The following MDGA2 variants were observed in gnomAD, a reference collection of about 807,000 sequenced individuals.
MDGA2 encodes the protein MAM domain-containing glycosylphosphatidylinositol anchor protein 2.
In MDGA2, 40 loss-of-function variants were observed where a neutral mutation model predicts 117.8. The observed-to-expected ratio is 0.34, with a 90% confidence interval of 0.26 to 0.44. MDGA2 has a LOEUF of 0.44. MDGA2 is among the 20% of genes least tolerant of loss of function. The pLI, the probability that MDGA2 is intolerant of heterozygous loss-of-function variation, is 1.00. For missense variants in MDGA2, 1,123 were observed against 1,250.6 expected (o/e 0.90, Z 1.54); for synonymous variants, 452 against 439.0 (o/e 1.03, Z -0.37).
At chr14:46,958,771 G>T (rs1885664580) in intron 8 of MDGA2, among the ~76,000 whole-genome samples, 1 of 152,142 alleles carries the variant, frequency 6.6e-6, no homozygotes, top group African/African-American at 2.4e-5. Context: ...TTTTCTCTTT[G>T]CTTTTGATTT....
At position 46,955,904 on chromosome 14, in the gene MDGA2, T is replaced by G. The variant is rs557593808; in HGVS notation, c.2089+1470A>C. On this transcript the variant is annotated intron_variant, in intron 9 of 16. Coordinates refer to ENST00000399232, the MANE Select transcript of MDGA2 (RefSeq NM_001113498.3). ...TGCATTAAAAATATATGGATCTTTG[T>G]ATACTTCTATTCCCTGACTCTCTTA... is the stretch of plus-strand genomic sequence containing the variant. Among the ~76,000 whole-genome samples, 22 of 152,250 alleles carry G rather than the reference T, an allele frequency of 1.4e-4. No homozygotes were observed. In the East Asian group the frequency reaches 2.7e-3, roughly 19 times the overall value.
chr14:47,082,324 C>A, intron 6 of MDGA2, among the ~76,000 whole-genome samples: 1 of 59,146 alleles, frequency 1.7e-5, no homozygotes. Flanking sequence ...GATCAAATTC[C>A]AGGGAAGGAA....
At chr14:47,168,284 CA>C (rs563280796) in intron 3 of MDGA2, among the ~76,000 whole-genome samples, 137 of 60,192 alleles carry the variant, frequency 2.3e-3, no homozygotes, top group East Asian at 5.5e-3. Flanking sequence ...AACTCCATCT[CA>C]AAAAAAAAAA....
At chr14:47,010,878 C>T (rs1373244880) in intron 8 of MDGA2, among the ~76,000 whole-genome samples, 2 of 151,840 alleles carry the variant, frequency 1.3e-5, no homozygotes, top group Non-Finnish European at 2.9e-5. Flanking sequence ...AACTTGGTAC[C>T]TCATTATAAT....
intron 14 of MDGA2, among the ~76,000 whole-genome samples, chr14:46,858,930 A>G (rs903894138): frequency 1.4e-4 from 22 of 152,280 alleles, no homozygotes; most frequent in Admixed American, 3.9e-4. Context: ...TCAGAAGGCT[A>G]TTGGCTCCTG....
At chr14:47,440,511 C>G (rs1299102706) in intron 1 of MDGA2, among the ~76,000 whole-genome samples, 1 of 152,046 alleles carries the variant, frequency 6.6e-6, no homozygotes, top group African/African-American at 2.4e-5. Context: ...ATTGTTAAAC[C>G]TAGGATTGGC....
intron 9 of MDGA2, among the ~76,000 whole-genome samples, chr14:46,947,636 C>CCT (rs1190847323): frequency 6.6e-6 from 1 of 151,892 alleles, no homozygotes; most frequent in Non-Finnish European, 1.5e-5. Flanking sequence ...GCACAAGCTC[C>CCT]CTCTCTCTCT....
chr14:47,081,305 C>T (rs990783419), intron 6 of MDGA2, among the ~76,000 whole-genome samples: 7 of 151,758 alleles, frequency 4.6e-5, no homozygotes, highest in African/African-American at 7.3e-5. Context: ...GATGATGAAA[C>T]GGAAACACGA....
intron 1 of MDGA2, among the ~76,000 whole-genome samples, chr14:47,370,363 A>G (rs1891320002): frequency 6.7e-6 from 1 of 150,072 alleles, no homozygotes; most frequent in Admixed American, 6.7e-5. Context: ...TTGTGAATGG[A>G]GGGAGAGATT....
At chr14:47,499,714 T>C (rs1894359534) in intron 1 of MDGA2, among the ~76,000 whole-genome samples, 1 of 152,120 alleles carries the variant, frequency 6.6e-6, no homozygotes, top group Non-Finnish European at 1.5e-5. Context: ...AACTTATCTT[T>C]TGATGAGTTG....
intron 2 of MDGA2, among the ~76,000 whole-genome samples, chr14:47,281,186 C>G (rs529140404): frequency 6.7e-6 from 1 of 149,832 alleles, no homozygotes; most frequent in Non-Finnish European, 1.5e-5. Context: ...CTCAAAATAT[C>G]TTTTTAAGTA....
In MDGA2 at chr14:46,899,421, T is replaced by G. The variant is rs373293562; in HGVS notation, c.2239-17200A>C. On this transcript the variant is annotated intron_variant, in intron 10 of 16. Coordinates refer to ENST00000399232, the MANE Select transcript of MDGA2 (RefSeq NM_001113498.3). ...AATCATTTGTACCATTCACTTTCTA[T>G]TTGATTCTTGAACTCAGGTGGTTAG... Among the ~76,000 whole-genome samples, 193 of 152,184 alleles carry G rather than the reference T, an allele frequency of 1.3e-3. 2 individuals are homozygous for G. The highest frequency in any genetic ancestry group is 4.5e-3 in the African/African-American group (185 of 41,546).
chr14:47,025,781 T>C (rs1032035576), intron 8 of MDGA2, among the ~76,000 whole-genome samples: 3 of 152,142 alleles, frequency 2.0e-5, no homozygotes, highest in Non-Finnish European at 2.9e-5. Flanking sequence ...TTGGGACAAT[T>C]AGCAGTAGCC....
intron 3 of MDGA2, among the ~76,000 whole-genome samples, chr14:47,182,931 A>G (rs1050515967): frequency 6.6e-6 from 1 of 152,100 alleles, no homozygotes; most frequent in African/African-American, 2.4e-5. Flanking sequence ...CAGAAACTCA[A>G]TTCAATTTAA....
At chr14:47,152,473 G>A (rs539202026) in intron 3 of MDGA2, among the ~76,000 whole-genome samples, 37 of 152,162 alleles carry the variant, frequency 2.4e-4, no homozygotes, top group South Asian at 1.2e-3. Flanking sequence ...TAGAAACCTC[G>A]TCTCTTTTAA....
intron 3 of MDGA2, among the ~76,000 whole-genome samples, chr14:47,175,921 C>T (rs964200617): frequency 3.4e-4 from 51 of 152,094 alleles, no homozygotes; most frequent in Non-Finnish European, 5.1e-4. Flanking sequence ...AGCCCAAAAT[C>T]TCCTTAAGCT....
intron 5 of MDGA2, among the ~76,000 whole-genome samples, chr14:47,115,286 TCAAATCTTAC>T (rs1259597689): frequency 2.0e-5 from 3 of 151,998 alleles, no homozygotes; most frequent in Non-Finnish European, 4.4e-5. Context: ...CATATATACT[TCAAATCTTAC>T]CAAATACTCA....
At chr14:46,854,753 A>G (rs1224562376) in intron 15 of MDGA2, among the ~76,000 whole-genome samples, 1 of 151,864 alleles carries the variant, frequency 6.6e-6, no homozygotes, top group African/African-American at 2.4e-5. Flanking sequence ...GTGATTTTAT[A>G]GAAATGGATT....
chr14:47,275,918 T>C (rs1440293824), intron 2 of MDGA2, among the ~76,000 whole-genome samples: 5 of 152,126 alleles, frequency 3.3e-5, no homozygotes, highest in Admixed American at 6.6e-5. Context: ...TTGTGTCCTC[T>C]GAAACATCAC....
Sources: allele counts gnomAD v4.1 joint callset (sites outside exome capture counted in the v4.1 genomes callset), GRCh38; gene constraint gnomAD v4.1.1; transcripts MANE v1.5; gene names NCBI Gene and HGNC (gene_info 2026-07-23, HGNC 2026-07-21).